SNX6: variants seen among roughly 807,000 people sequenced by gnomAD.
The protein encoded by SNX6 is sorting nexin-6.
A neutral mutation model predicts 63.0 loss-of-function variants in SNX6; 34 were observed. The ratio of observed to expected loss-of-function variants is 0.54; its 90% CI spans 0.41 to 0.72. The LOEUF (loss-of-function observed/expected upper bound fraction) is 0.72. Ranked by LOEUF, SNX6 falls within the 30% of genes least tolerant of loss-of-function variation. The probability of loss-of-function intolerance (pLI) is 0.00; values close to 1 mark genes in which losing one functional copy is unlikely to be tolerated. For missense variants in SNX6, 398 were observed against 471.4 expected (o/e 0.84, Z 1.44); for synonymous variants, 170 against 164.2 (o/e 1.04, Z -0.27).
At chr14:34,586,327 T>G (rs1179352368) in intron 8 of SNX6, 22 bp from the exon 9 acceptor site, 2 of 1,465,288 alleles carry the variant, frequency 1.4e-6, no homozygotes, top group Non-Finnish European at 1.9e-6. Context: ...GTTTTAAGAA[T>G]TTAGTATACC....
At chr14:34,581,246 C>G (rs1426921331) in intron 10 of SNX6, among the ~76,000 whole-genome samples, 1 of 152,120 alleles carries the variant, frequency 6.6e-6, no homozygotes, top group African/African-American at 2.4e-5. Context: ...GTTGGCCTCC[C>G]GGGTTCAAGC....
intron 13 of SNX6, among the ~76,000 whole-genome samples, chr14:34,564,372 G>C (rs1350123580): frequency 6.6e-6 from 1 of 152,070 alleles, no homozygotes; most frequent in East Asian, 1.9e-4. Flanking sequence ...ACCATGTACT[G>C]GTAGTAACCA....
intron 13 of SNX6, among the ~76,000 whole-genome samples, chr14:34,565,293 G>A (rs1208364962): frequency 6.6e-6 from 1 of 151,770 alleles, no homozygotes; most frequent in Admixed American, 6.6e-5. Context: ...TAGCCAGGAT[G>A]GTCTCGATCT....
intron 6 of SNX6, among the ~76,000 whole-genome samples, chr14:34,600,976 C>T (rs1449338891): frequency 1.3e-5 from 2 of 151,750 alleles, no homozygotes; most frequent in South Asian, 4.2e-4. Flanking sequence ...CGATACAGTG[C>T]CATTGCACTC....
chr14:34,589,269 A>G (rs1394683560), intron 8 of SNX6, among the ~76,000 whole-genome samples: 1 of 151,878 alleles, frequency 6.6e-6, no homozygotes, highest in African/African-American at 2.4e-5. Context: ...AGCCTGGCCA[A>G]CATGGTGAAA....
intron 7 of SNX6, among the ~76,000 whole-genome samples, chr14:34,593,870 G>A (rs532586639): frequency 7.2e-5 from 11 of 151,738 alleles, no homozygotes; most frequent in African/African-American, 2.4e-4. Flanking sequence ...GACCCACCAC[G>A]CCCAGCCTAA....
At chr14:34,605,440 T>C in intron 5 of SNX6, 156 bp downstream of exon 5, 1 of 525,282 alleles carries the variant, frequency 1.9e-6, no homozygotes, top group Non-Finnish European at 3.3e-6. Flanking sequence ...CTGATCATGA[T>C]CATTAATACT....
At chr14:34,629,681 G>A in intron 2 of SNX6, 2 of 745,454 alleles carry the variant, frequency 2.7e-6, no homozygotes, top group South Asian at 3.0e-5. Context: ...CCGAACAGCG[G>A]CGGGGGACAA....
At chr14:34,598,257 C>T (rs1882675841) in intron 6 of SNX6, among the ~76,000 whole-genome samples, 1 of 152,142 alleles carries the variant, frequency 6.6e-6, no homozygotes, top group African/African-American at 2.4e-5. Context: ...TATCAGGGTG[C>T]CCCATAAAGG....
chr14:34,568,880 G>A, intron 11 of SNX6: 1 of 1,158,840 alleles, frequency 8.6e-7, no homozygotes. Flanking sequence ...CCACTTCTCT[G>A]ACATCCCCCA....
intron 8 of SNX6, among the ~76,000 whole-genome samples, chr14:34,587,008 C>CAAAA (rs71121211): frequency 2.7e-3 from 133 of 50,054 alleles, no homozygotes; most frequent in East Asian, 8.0e-3. Context: ...GACTCTGTCT[C>CAAAA]AAAAAAAAAA....
intron 8 of SNX6, among the ~76,000 whole-genome samples, chr14:34,589,889 C>T (rs1882322968): frequency 1.3e-5 from 2 of 151,886 alleles, no homozygotes; most frequent in African/African-American, 4.8e-5. Context: ...GGTGAGAGGA[C>T]TGCTTGAGTC....
intron 2 of SNX6, among the ~76,000 whole-genome samples, chr14:34,619,818 A>G (rs1883559136): frequency 6.6e-6 from 1 of 151,894 alleles, no homozygotes; most frequent in South Asian, 2.1e-4. Flanking sequence ...TTCAACTCTC[A>G]CTGCTCTTTT....
intron 6 of SNX6, among the ~76,000 whole-genome samples, chr14:34,597,858 T>C (rs747003891): frequency 5.3e-5 from 8 of 152,186 alleles, no homozygotes; most frequent in East Asian, 1.9e-4. Flanking sequence ...CTCTCAAAGA[T>C]TCAGGTTCAG....
intron 11 of SNX6, chr14:34,568,980 A>G: frequency 6.9e-7 from 1 of 1,444,836 alleles, no homozygotes; most frequent in Non-Finnish European, 9.7e-7. Flanking sequence ...ACCAGTTCTC[A>G]TCGTAGGGAG....
intron 6 of SNX6, among the ~76,000 whole-genome samples, chr14:34,601,214 T>C (rs2138338465): frequency 1.2e-5 from 1 of 82,570 alleles, no homozygotes; most frequent in African/African-American, 4.2e-5. Context: ...GTGATAACCC[T>C]ATTTCTTTTT....
chr14:34,602,957 C>CAA (rs1384832139), intron 6 of SNX6, among the ~76,000 whole-genome samples: 2 of 138,662 alleles, frequency 1.4e-5, no homozygotes, highest in Non-Finnish European at 3.0e-5. Context: ...GCCTGGCTGA[C>CAA]AGAGCGAGAC....
chr14:34,622,564 T>C (rs1316856883), intron 2 of SNX6, among the ~76,000 whole-genome samples: 7 of 83,784 alleles, frequency 8.4e-5, no homozygotes, highest in Admixed American at 8.1e-4. Flanking sequence ...GCCTGGGCAA[T>C]AGAGCAAAAA....
chr14:34,587,850 A>G (rs1882239316), intron 8 of SNX6, among the ~76,000 whole-genome samples: 1 of 128,196 alleles, frequency 7.8e-6, no homozygotes, highest in Non-Finnish European at 1.6e-5. Context: ...TGACTCTGCC[A>G]CCCAGGCTGG....
Sources: allele counts gnomAD v4.1 joint callset (sites outside exome capture counted in the v4.1 genomes callset), GRCh38; gene constraint gnomAD v4.1.1; transcripts MANE v1.5; gene names NCBI Gene and HGNC (gene_info 2026-07-23, HGNC 2026-07-21).